Variants in FAM25C observed in about 807,000 individuals in gnomAD.
The protein encoded by FAM25C is family with sequence similarity 25 member C, also known as protein FAM25C.
FAM25C carries 4 observed loss-of-function variants against 9.6 expected under a neutral mutation model. The ratio of observed to expected loss-of-function variants is 0.42; its 90% CI spans 0.20 to 0.95. FAM25C has a LOEUF of 0.95. Among genes scored for constraint, FAM25C ranks in the 40% least tolerant of loss-of-function variants. The pLI, the probability that FAM25C is intolerant of heterozygous loss-of-function variation, is 0.31. For synonymous variants in FAM25C, 23 were observed against 44.1 expected, an observed-to-expected ratio of 0.52 and a Z score of 1.89; for missense variants, 38 against 110.4, an observed-to-expected ratio of 0.34 and a Z score of 2.94.
Position 47,995,515 on chromosome 10 carries a change from T to C in FAM25C, c.137-4A>G, listed in dbSNP as rs781830504. On this transcript the variant is annotated splice_polypyrimidine_tract_variant and splice_region_variant and intron_variant, in intron 2 of 2. Transcript: ENST00000617224. Reference sequence around the variant, plus strand: ...TTCTTTATGGCTTCAGCAATGGCTGTTGGAAAGAAAGAGGAAGAATGTCCT... The same window carrying C: ...TTCTTTATGGCTTCAGCAATGGCTGCTGGAAAGAAAGAGGAAGAATGTCCT... The C allele has an allele frequency of 7.2e-6, 11 of 1,534,392 alleles. No homozygotes were observed. The South Asian group carries it at 8.3e-5, about 12-fold the overall frequency.
At chr10:47,997,961 C>A (rs1441217964) in intron 1 of FAM25C, among the ~76,000 whole-genome samples, 1 of 149,370 alleles carries the variant, frequency 6.7e-6, no homozygotes. Flanking sequence ...TGGGATGCCA[C>A]CCCCAGCCAG....
In FAM25C at chr10:47,997,823, C is replaced by T. The variant is rs1278539006; in HGVS notation, c.74-84G>A. The T allele has an allele frequency of 2.1e-5, 29 of 1,402,944 alleles. 1 individual carries two copies. The highest frequency in any genetic ancestry group is 2.5e-4 in the Middle Eastern group (1 of 4,056). The allele number at this position is 1,402,944 out of a possible 1,614,324, so 86.9% of individuals were successfully genotyped here. On this transcript the variant is annotated intron_variant, in intron 1 of 2. Transcript: ENST00000617224. Reference sequence around the variant, plus strand: ...CCAGGGTGAGGGTTCAGAGCAGAGCCGCTGCCCTCCCAGTCCAGGGTGAGG... The same window carrying T: ...CCAGGGTGAGGGTTCAGAGCAGAGCTGCTGCCCTCCCAGTCCAGGGTGAGG...
intron 1 of FAM25C, among the ~76,000 whole-genome samples, chr10:47,997,993 G>A (rs1842828557): frequency 6.7e-6 from 1 of 150,300 alleles, no homozygotes; most frequent in African/African-American, 2.4e-5. Flanking sequence ...TCATGAGAAG[G>A]ACCTTCCCCC....
At chr10:47,996,917 C>G (rs1253803137) in intron 2 of FAM25C, among the ~76,000 whole-genome samples, 4 of 125,336 alleles carry the variant, frequency 3.2e-5, no homozygotes, top group Admixed American at 7.9e-5. Context: ...CTGCAAGCTC[C>G]ACCTTCCAGG....
At chr10:47,997,635 TCCTC>T in intron 2 of FAM25C, 38 bp downstream of exon 2, 6 of 1,233,920 alleles carry the variant, frequency 4.9e-6, no homozygotes, top group Non-Finnish European at 6.9e-6. Context: ...TAGCTTCCCT[TCCTC>T]CCTCCCTCCT....
chr10:47,998,105 G>A lies in FAM25C; in HGVS notation c.74-366C>T, dbSNP rs1407048621. Among the ~76,000 whole-genome samples the A allele has an allele frequency of 2.6e-5, 4 of 151,464 alleles. 1 individual carries two copies. The highest frequency in any genetic ancestry group is 1.9e-4 in the East Asian group (1 of 5,160). On this transcript the variant is annotated intron_variant, in intron 1 of 2. Coordinates refer to ENST00000617224, the MANE Select transcript of FAM25C (RefSeq NM_001137548.3). ...TCCCTGAAGCCCCTTGGCCCTGCCC[G>A]GCCTGGAATGGCAATGAGCAGGCAG...
chr10:47,995,916 G>T (rs1589112735), intron 2 of FAM25C, among the ~76,000 whole-genome samples: 4 of 143,874 alleles, frequency 2.8e-5, no homozygotes, highest in African/African-American at 2.6e-5. Flanking sequence ...TTTCAGTTTT[G>T]GATTGTCAAA....
chr10:47,997,832 C>G, intron 1 of FAM25C, 93 bp from the exon 2 acceptor site: 1 of 1,271,900 alleles, frequency 7.9e-7, no homozygotes, highest in Middle Eastern at 2.7e-4. Context: ...CCGCTGCCCT[C>G]CCAGTCCAGG....
chr10:47,998,549 C>A (rs1842839132), intron 1 of FAM25C, among the ~76,000 whole-genome samples: 1 of 122,478 alleles, frequency 8.2e-6, no homozygotes, highest in South Asian at 2.9e-4. Context: ...CTGCGAAGGC[C>A]CCGAGTTCTG....
At position 47,997,784 on chromosome 10, in the gene FAM25C, G is replaced by T. The variant is rs190940671; in HGVS notation, c.74-45C>A. The T allele has an allele frequency of 3.3e-6, 5 of 1,533,124 alleles. No homozygotes were observed. In the African/African-American group the frequency reaches 5.5e-5, roughly 17 times the overall value. The allele number at this position is 1,533,124 out of a possible 1,614,324, so 95.0% of individuals were successfully genotyped here. ...CCAGGGTGAGGGCTCAGAGCAGGCC[G>T]GCTGCCCCTGAGTCCAGGGTGAGGG... On this transcript the variant is annotated intron_variant, in intron 1 of 2. Transcript: ENST00000617224.
chr10:47,997,555 G>A, intron 2 of FAM25C, 122 bp downstream of exon 2: 1 of 782,750 alleles, frequency 1.3e-6, no homozygotes. Context: ...CAGCCAAGAG[G>A]CTCTGAAAGG....
At chr10:47,995,978 A>G (rs1306655259) in intron 2 of FAM25C, among the ~76,000 whole-genome samples, 2 of 132,970 alleles carry the variant, frequency 1.5e-5, no homozygotes, top group Non-Finnish European at 3.3e-5. Flanking sequence ...AGTTCTGAAG[A>G]TTCTCCCCTC....
At chr10:47,998,722 CT>C (rs2132305955) in intron 1 of FAM25C, among the ~76,000 whole-genome samples, 1 of 65,052 alleles carries the variant, frequency 1.5e-5, no homozygotes, top group Non-Finnish European at 4.7e-5. Flanking sequence ...CCTGCCTCAG[CT>C]TTTCTCCCAA....
At chr10:47,997,167 G>C (rs1477030009) in intron 2 of FAM25C, among the ~76,000 whole-genome samples, 1 of 146,566 alleles carries the variant, frequency 6.8e-6, no homozygotes, top group Non-Finnish European at 1.5e-5. Context: ...GGAGTGCAGT[G>C]GCATGATCTA....
rs782411658 is a variant in FAM25C, at chr10:47,995,379, C to T, written c.269G>A (p.Ter90=). The part of the protein sequence containing the change: ...AAESLDKLGQ[*] ...GAAGGGCCGTGGTAGCAGGTGCACT[C>T]ACTGTCCAAGTTTGTCCAGACTTTC... The change falls in exon 3 of 3, where the codon TGA becomes TAA. Residue 90 remains the stop codon, a stop_retained_variant. Transcript: ENST00000617224. 1,031 of 1,510,806 alleles carry T rather than the reference C, an allele frequency of 6.8e-4. 1 individual carries two copies. The South Asian group carries it at 0.011, about 17-fold the overall frequency. 93.6% of individuals were successfully genotyped at this position (1,510,806 alleles called of 1,614,324 possible).
Position 47,995,368 on chromosome 10 carries a change from G to A in FAM25C, c.*10C>T, listed in dbSNP as rs781927710. ...TTGAGACTGGGGAAGGGCCGTGGTA[G>A]CAGGTGCACTCACTGTCCAAGTTTG... On this transcript the variant is annotated 3_prime_UTR_variant, in exon 3 of 3. Coordinates refer to ENST00000617224, the MANE Select transcript of FAM25C (RefSeq NM_001137548.3). 5.7e-5 allele frequency: 85 copies of A among 1,490,150 alleles called. No homozygotes were observed. In the African/African-American group the frequency reaches 1.1e-3, roughly 20 times the overall value. 92.3% of individuals were successfully genotyped at this position (1,490,150 alleles called of 1,614,324 possible). A position where few individuals can be genotyped will look rare whatever the true frequency, so the allele number is the denominator to read the frequency against.
At chr10:47,996,110 C>T (rs553080289) in intron 2 of FAM25C, among the ~76,000 whole-genome samples, 1,966 of 141,460 alleles carry the variant, frequency 0.014, 25 homozygotes, top group African/African-American at 0.049. Flanking sequence ...GGGGTGGGGC[C>T]TTTGGGAGGT....
Position 47,998,833 on chromosome 10 carries a change from C to T in FAM25C, c.73+860G>A, listed in dbSNP as rs541521851. Among the ~76,000 whole-genome samples the T allele has an allele frequency of 6.2e-3, 836 of 135,866 alleles. 15 individuals are homozygous for T. The highest frequency in any genetic ancestry group is 0.021 in the African/African-American group (791 of 37,448). The allele number at this position is 135,866 out of a possible 152,430, so 89.1% of individuals were successfully genotyped here. A position where few individuals can be genotyped will look rare whatever the true frequency, so the allele number is the denominator to read the frequency against. On this transcript the variant is annotated intron_variant, in intron 1 of 2. Transcript: ENST00000617224. ...CAGCTGCAGAGTCAAAAACAAAATA[C>T]GCATCTGCTGCCATTTAGAAAGAGG...
intron 1 of FAM25C, among the ~76,000 whole-genome samples, chr10:47,998,131 T>G (rs1481235291): frequency 1.3e-5 from 2 of 148,942 alleles, no homozygotes; most frequent in African/African-American, 5.1e-5. Context: ...GAGCAGGCAG[T>G]CTTGCCAGCT....
Sources: gnomAD v4.1 joint callset for allele counts (sites outside exome capture counted in the v4.1 genomes callset) on GRCh38, gnomAD v4.1.1 for gene constraint, MANE v1.5 for transcripts, NCBI Gene and HGNC (gene_info 2026-07-23, HGNC 2026-07-21) for gene names.